The following KTN1 variants were observed in gnomAD, a reference collection of about 807,000 sequenced individuals.
KTN1 encodes kinectin.
In KTN1, 130 loss-of-function variants were observed where a neutral mutation model predicts 222.5. That is an observed-to-expected ratio of 0.58 (90% CI 0.51 to 0.68). The LOEUF is 0.68. KTN1 is among the 30% of genes least tolerant of loss of function. The probability of loss-of-function intolerance (pLI) is 0.00; values close to 1 mark genes in which losing one functional copy is unlikely to be tolerated. For synonymous variants in KTN1, 512 were observed against 496.3 expected (o/e 1.03, Z -0.42); for missense variants, 1,508 against 1,500.4 (o/e 1.01, Z -0.08).
chr14:55,651,144 A>G (rs1482356800), intron 24 of KTN1: 2 of 375,490 alleles, frequency 5.3e-6, no homozygotes, highest in African/African-American at 2.1e-5. Context: ...CATTCATCTC[A>G]TAGATTCATT....
chr14:55,641,324 T>C, intron 17 of KTN1, 116 bp downstream of exon 17: 1 of 634,240 alleles, frequency 1.6e-6, no homozygotes, highest in Non-Finnish European at 2.7e-6. Context: ...AGTGTTTCTG[T>C]AGTTTATTAG....
At chr14:55,663,836 C>T (rs2044408410) in intron 32 of KTN1, 119 bp from the exon 33 acceptor site, 1 of 623,498 alleles carries the variant, frequency 1.6e-6, no homozygotes, top group South Asian at 2.3e-5. Context: ...CATATTTTCC[C>T]ATTGAAATAA....
Position 55,648,796 on chromosome 14 carries a change from A to T in KTN1, c.2299-6A>T. 1 of 1,583,408 alleles carries T rather than the reference A, an allele frequency of 6.3e-7. No homozygotes were observed. Among genetic ancestry groups the T allele is most frequent in the Admixed American group, 1.7e-5 (1 of 59,088 alleles). On this transcript the variant is annotated splice_region_variant and splice_polypyrimidine_tract_variant and intron_variant, in intron 20 of 43. Transcript: ENST00000395314. ...ATCATGTTTTGCTTATGTGTCTTTG[A>T]AAAAGGCAATAAGAACAGAAAATTC...
At chr14:55,615,068 A>G (rs779894437) in intron 2 of KTN1, among the ~76,000 whole-genome samples, 1 of 152,208 alleles carries the variant, frequency 6.6e-6, no homozygotes, top group Non-Finnish European at 1.5e-5. Flanking sequence ...AACCCTGAGA[A>G]CAAGCAGTAT....
At chr14:55,656,858 T>C (rs909062876) in intron 29 of KTN1, among the ~76,000 whole-genome samples, 24 of 152,338 alleles carry the variant, frequency 1.6e-4, no homozygotes, top group African/African-American at 5.1e-4. Context: ...TGAATATCCT[T>C]GCACATGTTT....
intron 1 of KTN1, among the ~76,000 whole-genome samples, chr14:55,610,185 C>A (rs1375286269): frequency 6.6e-6 from 1 of 152,122 alleles, no homozygotes; most frequent in Admixed American, 6.6e-5. Flanking sequence ...GTTGAACAAA[C>A]GACAGTCATT....
chr14:55,595,951 A>G (rs1038395793), intron 1 of KTN1, among the ~76,000 whole-genome samples: 1 of 152,048 alleles, frequency 6.6e-6, no homozygotes, highest in African/African-American at 2.4e-5. Flanking sequence ...TCAGGAGATC[A>G]AGACCATCCT....
chr14:55,646,610 T>C (rs1450022933), intron 18 of KTN1, among the ~76,000 whole-genome samples: 1 of 151,180 alleles, frequency 6.6e-6, no homozygotes, highest in Non-Finnish European at 1.5e-5. Flanking sequence ...TCTTTTTTTT[T>C]GGACTTGCGA....
intron 34 of KTN1, among the ~76,000 whole-genome samples, chr14:55,669,078 T>C (rs2045193482): frequency 6.6e-6 from 1 of 152,094 alleles, no homozygotes; most frequent in Non-Finnish European, 1.5e-5. Flanking sequence ...TTTTTTTCTT[T>C]GTGGCATAAC....
At chr14:55,639,317 G>C (rs200324270) in intron 13 of KTN1, 95 bp downstream of exon 13, 2 of 668,066 alleles carry the variant, frequency 3.0e-6, no homozygotes, top group Non-Finnish European at 2.4e-6. Context: ...TACCTCTGAC[G>C]ACCTGTTCAG....
At chr14:55,628,062 C>T (rs2040068812) in intron 6 of KTN1, 34 bp downstream of exon 6, 1 of 1,249,624 alleles carries the variant, frequency 8.0e-7, no homozygotes, top group East Asian at 2.3e-5. Flanking sequence ...GGATATACTT[C>T]CCAAATCAGA....
At position 55,684,179 on chromosome 14, in the gene KTN1, GT is replaced by G. The variant is rs1186155799; in HGVS notation, c.*80del. 4 of 1,126,790 alleles carry G rather than the reference GT, an allele frequency of 3.5e-6. No individual in the cohort carries two copies. In the South Asian group the frequency reaches 5.7e-5, roughly 16 times the overall value. 69.8% of individuals were successfully genotyped at this position (1,126,790 alleles called of 1,614,324 possible). A position where few individuals can be genotyped will look rare whatever the true frequency, so the allele number is the denominator to read the frequency against. ...TTTGCCAAATTAAAGCCTTATTTAT[GT>G]TTTCACCCTTTCTACTTTGTCAGAA... On this transcript the variant is annotated 3_prime_UTR_variant, in exon 44 of 44. Coordinates refer to ENST00000395314, the MANE Select transcript of KTN1 (RefSeq NM_001079521.2).
intron 43 of KTN1, chr14:55,681,224 C>T (rs2046337659): frequency 6.5e-6 from 1 of 154,380 alleles, no homozygotes; most frequent in African/African-American, 2.4e-5. Context: ...CCAATATAGG[C>T]CCTTCTTTTG....
chr14:55,591,126 T>C (rs1318681013), intron 1 of KTN1, among the ~76,000 whole-genome samples: 2 of 152,242 alleles, frequency 1.3e-5, no homozygotes, highest in African/African-American at 2.4e-5. Flanking sequence ...TTGAATAGCA[T>C]AGGTCTATTT....
Position 55,648,761 on chromosome 14 carries a change from A to C in KTN1, c.2299-41A>C, listed in dbSNP as rs369771891. ...TATTTTGAAGCTAGCTATATTTTTC[A>C]GAGAGTAAAATCATGTTTTGCTTAT... On this transcript the variant is annotated intron_variant, in intron 20 of 43. Transcript: ENST00000395314. 7.4e-5 allele frequency: 97 copies of C among 1,302,602 alleles called. 1 individual carries two copies. The highest frequency in any genetic ancestry group is 5.1e-4 in the East Asian group (22 of 43,418). The allele number at this position is 1,302,602 out of a possible 1,614,324, so 80.7% of individuals were successfully genotyped here.
At chr14:55,670,629 TTTA>T (rs1472532622) in intron 34 of KTN1, 97 bp from the exon 35 acceptor site, 137 of 774,412 alleles carry the variant, frequency 1.8e-4, no homozygotes, top group Non-Finnish European at 2.6e-4. Context: ...GTAGGTTTCT[TTTA>T]TAATTATCTA....
chr14:55,660,250 C>T (rs1211787277), intron 31 of KTN1, among the ~76,000 whole-genome samples: 1 of 151,964 alleles, frequency 6.6e-6, no homozygotes, highest in Non-Finnish European at 1.5e-5. Flanking sequence ...TGATGGCATG[C>T]ACCTGTGGTC....
chr14:55,630,164 G>GGCTAGTA, intron 7 of KTN1, 67 bp downstream of exon 7: 1 of 1,381,568 alleles, frequency 7.2e-7, no homozygotes, highest in Middle Eastern at 1.8e-4. Flanking sequence ...ACTTTTAAGT[G>GGCTAGTA]GCTAGTATGT....
chr14:55,658,685 A>AT, intron 30 of KTN1, 71 bp downstream of exon 30: 1 of 846,498 alleles, frequency 1.2e-6, no homozygotes. Context: ...ACATATGAGT[A>AT]TTTTTGCCAT....
Sources: gnomAD v4.1 joint callset for allele counts (sites outside exome capture counted in the v4.1 genomes callset) on GRCh38, gnomAD v4.1.1 for gene constraint, MANE v1.5 for transcripts, NCBI Gene and HGNC (gene_info 2026-07-23, HGNC 2026-07-21) for gene names.